The following ARHGAP33 variants were observed in gnomAD, a reference collection of about 807,000 sequenced individuals.
ARHGAP33 encodes Rho GTPase activating protein 33, also known as rho GTPase-activating protein 33.
ARHGAP33 carries 57 observed loss-of-function variants against 126.2 expected under a neutral mutation model. The observed-to-expected ratio is 0.45, with a 90% CI of 0.36 to 0.56. The LOEUF (loss-of-function observed/expected upper bound fraction) is 0.56, where lower values mean the gene tolerates loss of function less well. Ranked by LOEUF, ARHGAP33 falls within the 20% of genes least tolerant of loss-of-function variation. The probability of loss-of-function intolerance (pLI) is 0.00; values close to 1 mark genes in which losing one functional copy is unlikely to be tolerated. For synonymous variants in ARHGAP33, 711 were observed against 755.0 expected (o/e 0.94, Z 0.95); for missense variants, 1,500 against 1,748.3 (o/e 0.86, Z 2.53).
At chr19:35,779,518 C>G (rs1971636754) in intron 6 of ARHGAP33, among the ~76,000 whole-genome samples, 1 of 152,142 alleles carries the variant, frequency 6.6e-6, no homozygotes, top group Non-Finnish European at 1.5e-5. Flanking sequence ...CAACCCCTGC[C>G]TCCCAGGTTC....
chr19:35,786,206 C>T lies in ARHGAP33; in HGVS notation c.1943-207C>T. On this transcript the variant is annotated intron_variant, in intron 19 of 20. Transcript: ENST00000007510. This position sits in a 1 kb window ranked among gnomAD's most constrained non-coding sequence, Gnocchi z 7.0. ...TATGTGAATCTGTTGGTCTCGTGCT[C>T]ACAGCCTGTGGGGCAGCCACAGGGC... The T allele has an allele frequency of 1.4e-6, 2 of 1,411,778 alleles. No homozygotes were observed. Among genetic ancestry groups the T allele is most frequent in the Non-Finnish European group, 1.8e-6 (2 of 1,088,058 alleles). The allele number at this position is 1,411,778 out of a possible 1,614,324, so 87.5% of individuals were successfully genotyped here.
intron 16 of ARHGAP33, 149 bp downstream of exon 16, chr19:35,784,466 T>G: frequency 1.1e-6 from 1 of 936,674 alleles, no homozygotes; most frequent in Non-Finnish European, 1.4e-6. Context: ...GGCCTCTCCC[T>G]CCCCGCGCCC....
Position 35,786,729 on chromosome 19 carries a change from G to A in ARHGAP33, c.2259G>A (p.Gly753=), listed in dbSNP as rs1340521679. The A allele has an allele frequency of 3.3e-6, 5 of 1,531,350 alleles. No homozygotes were observed. The highest frequency in any genetic ancestry group is 4.4e-6 in the Non-Finnish European group (5 of 1,144,604). 94.9% of individuals were successfully genotyped at this position (1,531,350 alleles called of 1,614,324 possible). A position where few individuals can be genotyped will look rare whatever the true frequency, so the allele number is the denominator to read the frequency against. Residue 753 remains glycine (G), a synonymous_variant, in exon 20 of 21, where the codon GGG becomes GGA. Coordinates refer to ENST00000007510, the MANE Select transcript of ARHGAP33 (RefSeq NM_001366178.1). The surrounding 1 kb of genome is among the most constrained non-coding windows in gnomAD (Gnocchi z 7.0). ...LTFRCSSPTP[G]DPAPPASPAP... ...TCCGCTGCAGCAGCCCCACCCCAGGGGATCCCGCACCTCCCGCCAGCCCAG... is the reference window on the plus strand; with the variant it reads ...TCCGCTGCAGCAGCCCCACCCCAGGAGATCCCGCACCTCCCGCCAGCCCAG...
Position 35,784,311 on chromosome 19 carries a change from C to A in ARHGAP33, c.1561C>A (p.Pro521Thr), listed in dbSNP as rs748958050. ...CACCTTCACCTCCGCCGGCCTCGAC[C>A]CTGCAGGTATGCCCTCCCACCCCCT... ...SDTFTSAGLD[P>T]AGRCLLPRPK... Residue 521 changes from proline (P) to threonine (T), a missense_variant, in exon 16 of 21, where the codon CCT becomes ACT. By Grantham distance (38) the Pro-to-Thr change is conservative. Transcript: ENST00000007510. 1.0e-5 allele frequency: 16 copies of A among 1,574,852 alleles called. No individual in the cohort carries two copies. Among genetic ancestry groups the A allele is most frequent in the Admixed American group, 8.7e-5 (5 of 57,318 alleles).
At position 35,782,849 on chromosome 19, in the gene ARHGAP33, C is replaced by T. The variant is rs1470880542; in HGVS notation, c.1401C>T (p.Val467=). 6.2e-7 allele frequency: 1 copy of T among 1,613,092 alleles called. No individual in the cohort carries two copies. The highest frequency in any genetic ancestry group is 1.3e-5 in the African/African-American group (1 of 74,924). The change falls in exon 15 of 21, where the codon GTC becomes GTT. Residue 467 remains valine (V), a synonymous_variant. Transcript: ENST00000007510. The surrounding 1 kb of genome is among the most constrained non-coding windows in gnomAD (Gnocchi z 4.1). The part of the protein sequence containing the change: ...TSMHARNLAI[V]WAPNLLRSME... Reference sequence around the variant, plus strand: ...TGCATGCCCGCAACCTGGCCATTGTCTGGGCACCCAACCTGCTACGGTGAG... The same window carrying T: ...TGCATGCCCGCAACCTGGCCATTGTTTGGGCACCCAACCTGCTACGGTGAG...
intron 1 of ARHGAP33, 69 bp downstream of exon 1, chr19:35,775,733 G>A: frequency 2.1e-6 from 3 of 1,412,260 alleles, no homozygotes; most frequent in Non-Finnish European, 2.8e-6. Context: ...GCCCCGCCCC[G>A]CGCGCCCCGC....
At chr19:35,781,699 G>A (rs1375163339) in intron 12 of ARHGAP33, among the ~76,000 whole-genome samples, 4 of 152,206 alleles carry the variant, frequency 2.6e-5, no homozygotes, top group Non-Finnish European at 5.9e-5. Flanking sequence ...GAGGGGAGGG[G>A]CAGGCCATGC....
chr19:35,786,422 G>A lies in ARHGAP33; in HGVS notation c.1952G>A (p.Arg651Lys). The stretch of plus-strand genomic sequence containing the variant: ...GACCCCACCCCTCCAGGCCTCCAGA[G>A]GCTGCACAGGCTGCGGCGACCCCAC... The part of the protein sequence containing the change: ...SSQASGAGLQ[R>K]LHRLRRPHSS... The change falls in exon 20 of 21, where the codon AGG becomes AAG. Residue 651 changes from arginine to lysine, a missense_variant. Transcript: ENST00000007510. This position sits in a 1 kb window ranked among gnomAD's most constrained non-coding sequence, Gnocchi z 7.0. 5 of 1,532,976 alleles carry A rather than the reference G, an allele frequency of 3.3e-6. No individual in the cohort carries two copies. The highest frequency in any genetic ancestry group is 3.5e-6 in the Non-Finnish European group (4 of 1,144,946). 95.0% of individuals were successfully genotyped at this position (1,532,976 alleles called of 1,614,324 possible). A position where few individuals can be genotyped will look rare whatever the true frequency, so the allele number is the denominator to read the frequency against.
Position 35,784,254 on chromosome 19 carries a change from C to G in ARHGAP33, c.1504C>G (p.Leu502Val). The stretch of plus-strand genomic sequence containing the variant: ...GGTGCAGTCGGTGGTGGTGGAGTTT[C>G]TGCTCACCCATGTGGACGTCCTGTT... ...VRVQSVVVEF[L>V]LTHVDVLFSD... The change falls in exon 16 of 21, where the codon CTG (leucine) becomes GTG (valine). Residue 502 changes from leucine (L) to valine (V), a missense_variant. Around this residue, in one of 6 missense-constraint regions of ARHGAP33, gnomAD observed 281 missense variants for 413.7 expected, o/e 0.68. Coordinates refer to ENST00000007510, the MANE Select transcript of ARHGAP33 (RefSeq NM_001366178.1). 1.2e-6 allele frequency: 2 copies of G among 1,612,000 alleles called. No individual in the cohort carries two copies. The highest frequency in any genetic ancestry group is 8.5e-7 in the Non-Finnish European group (1 of 1,178,824).
Position 35,787,258 on chromosome 19 carries a change from G to A in ARHGAP33, c.2693G>A (p.Arg898His), listed in dbSNP as rs754664675. The change falls in exon 21 of 21, where the codon CGC (arginine) becomes CAC (histidine). Residue 898 changes from arginine to histidine, a missense_variant. This residue lies in a region of ARHGAP33 where 642 missense variants were observed against 634.0 expected (regional missense o/e 1.01). Transcript: ENST00000007510. ...CCCCCGCCCCCTAAGAACCCAGCAC[G>A]CCTCATGGCCCTGGCCCTGGCTGAG... ...APPPPPKNPA[R>H]LMALALAERA... The A allele has an allele frequency of 7.5e-6, 12 of 1,597,548 alleles. No homozygotes were observed. Among genetic ancestry groups the A allele is most frequent in the East Asian group, 2.2e-5 (1 of 44,692 alleles).
At chr19:35,778,799 GA>G in intron 5 of ARHGAP33, 198 bp downstream of exon 5, 1 of 946,658 alleles carries the variant, frequency 1.1e-6, no homozygotes, top group Non-Finnish European at 1.5e-6. Flanking sequence ...GGATCATGGG[GA>G]GTTCCAGGGG....
intron 1 of ARHGAP33, 79 bp downstream of exon 1, chr19:35,775,743 C>A: frequency 7.3e-7 from 1 of 1,367,992 alleles, no homozygotes. Flanking sequence ...GCGCGCCCCG[C>A]CCCCGGCCCC....
chr19:35,775,747 C>T, intron 1 of ARHGAP33, 83 bp downstream of exon 1: 1 of 1,351,264 alleles, frequency 7.4e-7, no homozygotes, highest in Admixed American at 2.7e-5. Context: ...GCCCCGCCCC[C>T]GGCCCCGCCC....
Position 35,788,047 on chromosome 19 carries a change from G to A in ARHGAP33, c.3482G>A (p.Arg1161His), listed in dbSNP as rs374227628. 7.8e-5 allele frequency: 125 copies of A among 1,605,584 alleles called. No individual in the cohort carries two copies. Among genetic ancestry groups the A allele is most frequent in the Non-Finnish European group, 1.0e-4 (120 of 1,178,074 alleles). Residue 1161 changes from arginine (R) to histidine (H), a missense_variant, in exon 21 of 21, where the codon CGC (arginine) becomes CAC (histidine). Physicochemically the swap from Arg to His is conservative, Grantham distance 29. Transcript: ENST00000007510. ...TCAGCCCCCCAGCACCCTGCTCGGC[G>A]CCCTACACCGCCTGAGCCCCTCTAC... ...GYSAPQHPAR[R>H]PTPPEPLYVN...
intron 1 of ARHGAP33, among the ~76,000 whole-genome samples, chr19:35,777,028 G>C (rs984495122): frequency 1.3e-5 from 2 of 152,164 alleles, no homozygotes; most frequent in African/African-American, 4.8e-5. Flanking sequence ...AAGGAAATGA[G>C]AAGAGGGTGC....
At position 35,788,266 on chromosome 19, in the gene ARHGAP33, T is replaced by A. The variant is rs1203835678; in HGVS notation, c.3701T>A (p.Leu1234His). Residue 1234 changes from leucine (L) to histidine (H), a missense_variant, in exon 21 of 21, where the codon CTC (leucine) becomes CAC (histidine). Leu to His is a moderately conservative substitution (Grantham distance 99). Coordinates refer to ENST00000007510, the MANE Select transcript of ARHGAP33 (RefSeq NM_001366178.1). ...GPWGPPEPLL[L>H]YRAAPPAYGR... ...TGGGGCCCTCCTGAGCCTCTCCTGC[T>A]CTACAGGGCAGCCCCGCCAGCCTAC... The A allele has an allele frequency of 1.2e-6, 2 of 1,609,394 alleles. No homozygotes were observed. The highest frequency in any genetic ancestry group is 2.2e-5 in the South Asian group (2 of 90,900).
chr19:35,788,088 G>T lies in ARHGAP33; in HGVS notation c.3523G>T (p.Gly1175Trp), dbSNP rs764326727. ...GCCCCTCTACGTCAACCTAGCTCTA[G>T]GGCCCAGGGGTCCCTCACCTGCCTC... is the stretch of plus-strand genomic sequence containing the variant. Reference protein sequence around the residue: ...PEPLYVNLALGPRGPSPASSS... With the variant: ...PEPLYVNLALWPRGPSPASSS... Residue 1175 changes from glycine to tryptophan, a missense_variant, in exon 21 of 21, where the codon GGG becomes TGG. Gly to Trp is a radical substitution (Grantham distance 184). Coordinates refer to ENST00000007510, the MANE Select transcript of ARHGAP33 (RefSeq NM_001366178.1). The T allele has an allele frequency of 5.0e-6, 8 of 1,611,066 alleles. No homozygotes were observed. Among genetic ancestry groups the T allele is most frequent in the African/African-American group, 1.3e-5 (1 of 74,262 alleles).
At chr19:35,779,739 T>C (rs560760074) in intron 6 of ARHGAP33, 59 of 345,914 alleles carry the variant, frequency 1.7e-4, no homozygotes, top group Admixed American at 5.6e-4. Flanking sequence ...TCTGGCTAAT[T>C]AAAAAAAAAT....
At chr19:35,778,677 G>C in intron 5 of ARHGAP33, 76 bp downstream of exon 5, 1 of 1,525,346 alleles carries the variant, frequency 6.6e-7, no homozygotes, top group Non-Finnish European at 8.8e-7. Flanking sequence ...AAGGCAGCGG[G>C]ATAGAGAAAT....
Sources: gnomAD v4.1 joint callset for allele counts (sites outside exome capture counted in the v4.1 genomes callset) on GRCh38, gnomAD v4.1.1 for gene constraint, gnomAD v4.1.1 regional missense constraint, Gnocchi (gnomAD v3.1) non-coding constraint, MANE v1.5 for transcripts, NCBI Gene and HGNC (gene_info 2026-07-23, HGNC 2026-07-21) for gene names.